Variants in EHF observed in about 807,000 individuals in gnomAD.
EHF encodes the protein ESE3 transcription factor.
EHF carries 14 observed loss-of-function variants against 45.1 expected under a neutral mutation model. That is an observed-to-expected ratio of 0.31 (90% CI 0.21 to 0.49). The LOEUF (loss-of-function observed/expected upper bound fraction) is 0.49, where lower values mean the gene tolerates loss of function less well. EHF is among the 20% of genes least tolerant of loss of function. The probability of loss-of-function intolerance (pLI) is 0.99; values close to 1 mark genes in which losing one functional copy is unlikely to be tolerated. For missense variants in EHF, 282 were observed against 371.4 expected, an observed-to-expected ratio of 0.76 and a Z score of 1.98; for synonymous variants, 136 against 131.8, an observed-to-expected ratio of 1.03 and a Z score of -0.22.
rs563083553 is a variant in EHF at position 34,625,468 on chromosome 11, C to G, written c.-4+4240C>G. ...GTATGGTACTGATGAGCTTGCTTGA[C>G]TGATTATCCATGACTTACTGAGTAG... On this transcript the variant is annotated intron_variant, in intron 1 of 8. Transcript: ENST00000257831. Among the ~76,000 whole-genome samples the G allele has an allele frequency of 2.6e-5, 4 of 152,314 alleles. No individual in the cohort carries two copies. The South Asian group carries it at 8.3e-4, about 32-fold the overall frequency.
chr11:34,633,166 A>G (rs943276874), intron 1 of EHF, among the ~76,000 whole-genome samples: 1 of 152,032 alleles, frequency 6.6e-6, no homozygotes, highest in African/African-American at 2.4e-5. Flanking sequence ...GGACTTCAGA[A>G]CTCATACTTT....
intron 1 of EHF, among the ~76,000 whole-genome samples, chr11:34,626,719 A>G (rs1190506848): frequency 6.6e-6 from 1 of 152,218 alleles, no homozygotes; most frequent in Non-Finnish European, 1.5e-5. Flanking sequence ...ATGGAGTAAA[A>G]TTTGACTGCA....
intron 1 of EHF, among the ~76,000 whole-genome samples, chr11:34,639,942 G>A (rs770797294): frequency 4.6e-5 from 7 of 152,162 alleles, no homozygotes; most frequent in Non-Finnish European, 7.4e-5. Context: ...AAATGACGTC[G>A]GCCCTGAGGA....
At chr11:34,643,277 C>T (rs562637503) in intron 2 of EHF, among the ~76,000 whole-genome samples, 13 of 152,128 alleles carry the variant, frequency 8.5e-5, no homozygotes, top group African/African-American at 1.4e-4. Context: ...GGTGGTGGGG[C>T]GTATAGAGGG....
In EHF at chr11:34,661,435, C is replaced by A. The variant is rs1394674014; in HGVS notation, c.*2504C>A. On this transcript the variant is annotated 3_prime_UTR_variant, in exon 9 of 9. Transcript: ENST00000257831. Reference sequence around the variant, plus strand: ...TTTCTGCAACCTTTCCATTCAAGAGCAATCTTTGCTAAGGAGTAAGTGAAT... The same window carrying A: ...TTTCTGCAACCTTTCCATTCAAGAGAAATCTTTGCTAAGGAGTAAGTGAAT... 1.3e-5 allele frequency among the ~76,000 whole-genome samples: 2 copies of A among 152,116 alleles called. No homozygotes were observed. Among genetic ancestry groups the A allele is most frequent in the African/African-American group, 4.8e-5 (2 of 41,434 alleles).
intron 1 of EHF, among the ~76,000 whole-genome samples, chr11:34,628,368 T>G (rs963692580): frequency 6.6e-6 from 1 of 152,236 alleles, no homozygotes; most frequent in Non-Finnish European, 1.5e-5. Context: ...TTATAATATT[T>G]TAATTTGTCA....
chr11:34,646,957 C>A, intron 3 of EHF: 2 of 500,414 alleles, frequency 4.0e-6, no homozygotes, highest in Non-Finnish European at 6.9e-6. Flanking sequence ...GCTAGGAATT[C>A]GTAGAATACT....
rs937600513 is a variant in EHF, at chr11:34,663,234, T to G, written c.*4303T>G. On this transcript the variant is annotated 3_prime_UTR_variant, in exon 9 of 9. Transcript: ENST00000257831. ...ATTATATTTTTCAAAATATGTTTATTTGTTTGATGGGTCCCAGGAAACACT... is the reference window on the plus strand; with the variant it reads ...ATTATATTTTTCAAAATATGTTTATGTGTTTGATGGGTCCCAGGAAACACT... 2.6e-5 allele frequency among the ~76,000 whole-genome samples: 4 copies of G among 152,170 alleles called. No homozygotes were observed. The highest frequency in any genetic ancestry group is 9.7e-5 in the African/African-American group (4 of 41,450).
In EHF at chr11:34,642,720, G is replaced by A. The variant is rs146140523; in HGVS notation, c.90G>A (p.Thr30=). 4.4e-5 allele frequency: 71 copies of A among 1,613,426 alleles called. No individual in the cohort carries two copies. Among genetic ancestry groups the A allele is most frequent in the Non-Finnish European group, 5.3e-5 (63 of 1,179,560 alleles). ...QPPAWTDSYS[T]CNVSSGFFGG... is the part of the protein sequence containing the mutation. ...CAGCCTGGACAGACAGCTACTCCAC[G>A]TGCAATGGTAAGAGGGCCTGTGGGT... The change falls in exon 2 of 9, where the codon ACG becomes ACA. Residue 30 remains threonine, a synonymous_variant. Coordinates refer to ENST00000257831, the MANE Select transcript of EHF (RefSeq NM_012153.6).
intron 2 of EHF, among the ~76,000 whole-genome samples, chr11:34,645,156 A>T (rs565380684): frequency 6.6e-6 from 1 of 152,260 alleles, no homozygotes; most frequent in East Asian, 1.9e-4. Flanking sequence ...CAGCCCTGTT[A>T]CATGCCCTCA....
chr11:34,651,452 C>T lies in EHF; in HGVS notation c.407-90C>T, dbSNP rs926455578. 4.6e-6 allele frequency: 5 copies of T among 1,086,048 alleles called. No homozygotes were observed. The Admixed American group carries it at 6.9e-5, about 15-fold the overall frequency. 67.3% of individuals were successfully genotyped at this position (1,086,048 alleles called of 1,614,324 possible). A position where few individuals can be genotyped will look rare whatever the true frequency, so the allele number is the denominator to read the frequency against. ...TGAGGACCACTCCTCACCCCCCATA[C>T]TTTGTTGATGAACAATGAATTAGAA... is the stretch of plus-strand genomic sequence containing the variant. On this transcript the variant is annotated intron_variant, in intron 4 of 8. Coordinates refer to ENST00000257831, the MANE Select transcript of EHF (RefSeq NM_012153.6).
In EHF at chr11:34,646,739, T is replaced by C. The variant is rs1217938901; in HGVS notation, c.343+55T>C. The C allele has an allele frequency of 5.6e-6, 9 of 1,593,634 alleles. No homozygotes were observed. In the Admixed American group the frequency reaches 8.4e-5, roughly 15 times the overall value. ...CCCTGCTAGGAGCCAGCTGGAAGAATAGAGATTCTGCAGATGACAGGATTC... is the reference window on the plus strand; with the variant it reads ...CCCTGCTAGGAGCCAGCTGGAAGAACAGAGATTCTGCAGATGACAGGATTC... On this transcript the variant is annotated intron_variant, in intron 3 of 8. Transcript: ENST00000257831.
At chr11:34,653,822 A>G (rs1041535861) in intron 6 of EHF, among the ~76,000 whole-genome samples, 1 of 152,162 alleles carries the variant, frequency 6.6e-6, no homozygotes, top group Non-Finnish European at 1.5e-5. Flanking sequence ...ATATCTTTCT[A>G]TGTTTTAATG....
At chr11:34,624,488 A>C (rs574903385) in intron 1 of EHF, among the ~76,000 whole-genome samples, 1 of 152,364 alleles carries the variant, frequency 6.6e-6, no homozygotes, top group South Asian at 2.1e-4. Context: ...ATTTTAAAAT[A>C]ATAGATTTGT....
At chr11:34,630,592 A>C (rs904575480) in intron 1 of EHF, among the ~76,000 whole-genome samples, 1 of 151,960 alleles carries the variant, frequency 6.6e-6, no homozygotes, top group Non-Finnish European at 1.5e-5. Flanking sequence ...GGTCAAATCC[A>C]TTGTCCTAGT....
At chr11:34,634,832 A>C (rs1022591813) in intron 1 of EHF, among the ~76,000 whole-genome samples, 1 of 152,184 alleles carries the variant, frequency 6.6e-6, no homozygotes, top group African/African-American at 2.4e-5. Context: ...TGCTGTGACC[A>C]TGTCTAGAAT....
intron 2 of EHF, among the ~76,000 whole-genome samples, chr11:34,645,266 T>C (rs1370455399): frequency 6.6e-6 from 1 of 152,130 alleles, no homozygotes; most frequent in Non-Finnish European, 1.5e-5. Flanking sequence ...TTAGCACATA[T>C]TAGGTTCAGC....
chr11:34,652,477 A>C (rs568129126), intron 6 of EHF, among the ~76,000 whole-genome samples: 1 of 152,264 alleles, frequency 6.6e-6, no homozygotes, highest in South Asian at 2.1e-4. Flanking sequence ...GGAGTCTGGG[A>C]GAGGGGATTT....
chr11:34,653,317 A>G (rs1490976914), intron 6 of EHF, among the ~76,000 whole-genome samples: 1 of 152,182 alleles, frequency 6.6e-6, no homozygotes, highest in Admixed American at 6.5e-5. Flanking sequence ...CATCATAGTT[A>G]CAGCTCTGCT....
Sources: gnomAD v4.1 joint callset for allele counts (sites outside exome capture counted in the v4.1 genomes callset) on GRCh38, gnomAD v4.1.1 for gene constraint, MANE v1.5 for transcripts, NCBI Gene and HGNC (gene_info 2026-07-23, HGNC 2026-07-21) for gene names.